GLMN: variants seen among roughly 807,000 people sequenced by gnomAD.
The protein encoded by GLMN is glomulin.
In GLMN, 75 loss-of-function variants were observed where a neutral mutation model predicts 87.8. That is an observed-to-expected ratio of 0.85 (90% CI 0.71 to 1.04). GLMN has a LOEUF of 1.04. Among genes scored for constraint, GLMN ranks in the 50% least tolerant of loss-of-function variants. The pLI is 0.00. For synonymous variants in GLMN, 206 were observed against 221.6 expected (o/e 0.93, Z 0.63); for missense variants, 588 against 658.8 (o/e 0.89, Z 1.18).
At position 92,247,017 on chromosome 1, in the gene GLMN, C is replaced by T. The variant is rs763871494; in HGVS notation, c.1668+45G>A. The T allele has an allele frequency of 4.5e-5, 47 of 1,035,918 alleles. No homozygotes were observed. In the Middle Eastern group the frequency reaches 6.0e-4, roughly 13 times the overall value. 64.2% of individuals were successfully genotyped at this position (1,035,918 alleles called of 1,614,324 possible). A position where few individuals can be genotyped will look rare whatever the true frequency, so the allele number is the denominator to read the frequency against. On this transcript the variant is annotated intron_variant, in intron 18 of 18. Transcript: ENST00000370360. ...CAGCTTGGGCAAGATAGCAAGACCCCGTTTCTAAAGAAGAAAAAGGAAAGA... is the reference window on the plus strand; with the variant it reads ...CAGCTTGGGCAAGATAGCAAGACCCTGTTTCTAAAGAAGAAAAAGGAAAGA...
chr1:92,265,873 A>G (rs540041845), intron 13 of GLMN, among the ~76,000 whole-genome samples: 1 of 152,330 alleles, frequency 6.6e-6, no homozygotes, highest in African/African-American at 2.4e-5. Context: ...GTCAAAGTTG[A>G]GCACTTGCAA....
intron 16 of GLMN, among the ~76,000 whole-genome samples, chr1:92,260,549 A>G (rs539251505): frequency 7.1e-4 from 108 of 152,150 alleles, no homozygotes; most frequent in African/African-American, 2.5e-3. Flanking sequence ...CAGGAGGTGG[A>G]CGATGCAGTG....
chr1:92,323,919 T>C, the GLMN span: 1 of 1,614,186 alleles, frequency 6.2e-7, no homozygotes, highest in Non-Finnish European at 8.5e-7. Flanking sequence ...GTAAGAAAAG[T>C]GCAGAGCATT....
chr1:92,268,165 A>T (rs1197704808), intron 9 of GLMN, 30 bp from the exon 10 acceptor site: 1 of 1,146,786 alleles, frequency 8.7e-7, no homozygotes, highest in Admixed American at 1.7e-5. Context: ...TTTATCATGA[A>T]TTTGTAAACT....
chr1:92,289,616 A>C (rs184630862), intron 5 of GLMN, among the ~76,000 whole-genome samples: 1 of 152,304 alleles, frequency 6.6e-6, no homozygotes, highest in African/African-American at 2.4e-5. Flanking sequence ...TTGTGAGATA[A>C]ACGAATTTCC....
At chr1:92,250,025 T>G (rs546657800) in intron 16 of GLMN, among the ~76,000 whole-genome samples, 2 of 152,116 alleles carry the variant, frequency 1.3e-5, no homozygotes, top group Admixed American at 1.3e-4. Context: ...TTACTTTGCA[T>G]TCACCTCTGG....
chr1:92,348,677 T>C, the GLMN span, among the ~76,000 whole-genome samples: 1 of 152,240 alleles, frequency 6.6e-6, no homozygotes, highest in Non-Finnish European at 1.5e-5. Flanking sequence ...ATAGACTTTT[T>C]TTATCTCCAA....
chr1:92,337,262 TTACAG>T, the GLMN span, among the ~76,000 whole-genome samples: 2 of 152,088 alleles, frequency 1.3e-5, no homozygotes, highest in Non-Finnish European at 2.9e-5. Flanking sequence ...AAGTGTAAAA[TTACAG>T]TACAGGAACA....
chr1:92,359,898 C>G, the GLMN span, among the ~76,000 whole-genome samples: 1 of 152,090 alleles, frequency 6.6e-6, no homozygotes, highest in African/African-American at 2.4e-5. Flanking sequence ...ACAGAGAAAG[C>G]AGAAAAGGGG....
chr1:92,289,330 C>T (rs911928628), intron 5 of GLMN, among the ~76,000 whole-genome samples, 179 bp from the exon 6 acceptor site: 2 of 152,164 alleles, frequency 1.3e-5, no homozygotes, highest in African/African-American at 4.8e-5. Flanking sequence ...TAAAATAATA[C>T]AGCATCTTGC....
At chr1:92,273,460 T>C (rs1329303149) in intron 7 of GLMN, among the ~76,000 whole-genome samples, 1 of 150,060 alleles carries the variant, frequency 6.7e-6, no homozygotes, top group East Asian at 1.9e-4. Context: ...TTTTTTTTTT[T>C]TGGCGACAAG....
upstream of GLMN, among the ~76,000 whole-genome samples, chr1:92,299,449 A>G (rs374133172): frequency 1.3e-5 from 2 of 152,222 alleles, no homozygotes; most frequent in South Asian, 4.2e-4. Flanking sequence ...TTTCGGGGCA[A>G]GTGACTAGGG....
chr1:92,298,319 A>C (rs1650397838), intron 1 of GLMN, among the ~76,000 whole-genome samples: 1 of 144,442 alleles, frequency 6.9e-6, no homozygotes, highest in Admixed American at 6.7e-5. Context: ...ACTTTGAAGG[A>C]AAAAAAAACA....
upstream of GLMN, among the ~76,000 whole-genome samples, chr1:92,301,291 T>C (rs6604088): frequency 0.58 from 88,447 of 152,070 alleles, 28,145 homozygotes; most frequent in East Asian, 0.96. Flanking sequence ...CGAGACCAGT[T>C]TGAGCAACAT....
At chr1:92,299,108 G>C (rs916382901), upstream of GLMN, 3 of 1,520,810 alleles carry the variant, frequency 2.0e-6, no homozygotes, top group Admixed American at 2.1e-5. Flanking sequence ...TCTGCCGGCC[G>C]CAAGGCCGGG....
chr1:92,323,484 C>T, the GLMN span: 9 of 1,612,354 alleles, frequency 5.6e-6, no homozygotes, highest in African/African-American at 1.2e-4. Context: ...GCAGTAAAGC[C>T]ATTAAAACAT....
chr1:92,354,925 C>T, the GLMN span, among the ~76,000 whole-genome samples: 1 of 149,354 alleles, frequency 6.7e-6, no homozygotes, highest in Admixed American at 6.7e-5. Flanking sequence ...ATTATTGAGA[C>T]AGGTTCTCTG....
chr1:92,331,779 G>A, the GLMN span, among the ~76,000 whole-genome samples: 1 of 151,942 alleles, frequency 6.6e-6, no homozygotes, highest in African/African-American at 2.4e-5. Flanking sequence ...TTCCATCTGA[G>A]ATCATTTGCC....
the GLMN span, among the ~76,000 whole-genome samples, chr1:92,355,771 T>C: frequency 1.3e-5 from 2 of 152,200 alleles, no homozygotes; most frequent in African/African-American, 2.4e-5. Context: ...GAAATACTCA[T>C]TGGAGTGTTT....
Sources: gnomAD v4.1 joint callset for allele counts (sites outside exome capture counted in the v4.1 genomes callset) on GRCh38, gnomAD v4.1.1 for gene constraint, MANE v1.5 for transcripts, NCBI Gene and HGNC (gene_info 2026-07-23, HGNC 2026-07-21) for gene names.